Variants in ITGA8 observed in about 807,000 individuals in gnomAD.
ITGA8 encodes integrin subunit alpha 8, also known as integrin alpha-8.
Under a neutral mutation model 142.3 loss-of-function variants are expected in ITGA8, and 91 were observed. The observed-to-expected ratio is 0.64, with a 90% CI of 0.54 to 0.76. ITGA8 has a LOEUF of 0.76. Ranked by LOEUF, ITGA8 falls within the 30% of genes least tolerant of loss-of-function variation. The pLI, the probability that ITGA8 is intolerant of heterozygous loss-of-function variation, is 0.00. For synonymous variants in ITGA8, 505 were observed against 485.2 expected, an observed-to-expected ratio of 1.04 and a Z score of -0.54; for missense variants, 1,406 against 1,327.7, an observed-to-expected ratio of 1.06 and a Z score of -0.92.
intron 8 of ITGA8, among the ~76,000 whole-genome samples, chr10:15,670,442 C>A (rs80088655): frequency 0.013 from 1,948 of 152,266 alleles, 30 homozygotes; most frequent in African/African-American, 0.044. Context: ...AGAACTTGAA[C>A]CTACGTGGAT....
intron 2 of ITGA8, among the ~76,000 whole-genome samples, chr10:15,698,744 C>G (rs1426185492): frequency 6.6e-6 from 1 of 152,120 alleles, no homozygotes; most frequent in Non-Finnish European, 1.5e-5. Context: ...CCTTAGCCCA[C>G]TTTTTGATGG....
chr10:15,619,967 C>A (rs182952440), intron 13 of ITGA8, among the ~76,000 whole-genome samples: 46 of 152,216 alleles, frequency 3.0e-4, no homozygotes, highest in African/African-American at 1.1e-3. Flanking sequence ...AAATAACAGG[C>A]GAATTTTAAG....
chr10:15,674,525 AAT>A (rs1834590037), intron 6 of ITGA8, among the ~76,000 whole-genome samples: 2 of 152,226 alleles, frequency 1.3e-5, no homozygotes, highest in African/African-American at 4.8e-5. Flanking sequence ...TGTTGTGCAA[AAT>A]ATATAGTTTT....
At chr10:15,538,513 A>G (rs1416141736) in intron 27 of ITGA8, among the ~76,000 whole-genome samples, 4 of 19,460 alleles carry the variant, frequency 2.1e-4, no homozygotes, top group Non-Finnish European at 1.6e-3. Context: ...CTCCGTCTCG[A>G]AAAAAAAAAA....
intron 15 of ITGA8, among the ~76,000 whole-genome samples, chr10:15,609,997 A>G (rs1833263559): frequency 6.6e-6 from 1 of 152,154 alleles, no homozygotes; most frequent in South Asian, 2.1e-4. Flanking sequence ...GTTACTATTT[A>G]TTTATGAATT....
Position 15,683,597 on chromosome 10 carries a change from G to A in ITGA8, c.568+407C>T, listed in dbSNP as rs535656203. Among the ~76,000 whole-genome samples the A allele has an allele frequency of 2.4e-3, 365 of 152,320 alleles. 3 individuals are homozygous for A. Among genetic ancestry groups the A allele is most frequent in the African/African-American group, 8.5e-3 (354 of 41,568 alleles). On this transcript the variant is annotated intron_variant, in intron 4 of 29. Coordinates refer to ENST00000378076, the MANE Select transcript of ITGA8 (RefSeq NM_003638.3). ...GAAGAAACAGCCATTGAGAACACAA[G>A]CCAGACAGAAATCTCAAGTTGAACA...
At chr10:15,623,114 T>C (rs933135992) in intron 13 of ITGA8, among the ~76,000 whole-genome samples, 5 of 150,570 alleles carry the variant, frequency 3.3e-5, no homozygotes, top group African/African-American at 1.2e-4. Flanking sequence ...TGTTGGACAG[T>C]TGTGTAAAGA....
At chr10:15,548,424 G>C in intron 27 of ITGA8, 31 bp downstream of exon 27, 1 of 1,434,556 alleles carries the variant, frequency 7.0e-7, no homozygotes. Context: ...CCAGTGAGCA[G>C]TGTGTATGTG....
At chr10:15,566,362 TC>T (rs1439796010) in intron 25 of ITGA8, among the ~76,000 whole-genome samples, 1 of 152,220 alleles carries the variant, frequency 6.6e-6, no homozygotes, top group African/African-American at 2.4e-5. Flanking sequence ...AGGATTATTT[TC>T]CTGAACTTGG....
At chr10:15,663,041 C>T (rs1467990324) in intron 8 of ITGA8, among the ~76,000 whole-genome samples, 2 of 152,140 alleles carry the variant, frequency 1.3e-5, no homozygotes, top group Admixed American at 1.3e-4. Context: ...TTTAGGGGTT[C>T]CGATCCAGTG....
intron 22 of ITGA8, among the ~76,000 whole-genome samples, chr10:15,590,435 A>G (rs1022720300): frequency 7.9e-5 from 12 of 152,224 alleles, no homozygotes; most frequent in African/African-American, 2.9e-4. Flanking sequence ...CGAGGAGGAA[A>G]TATCAATGAA....
At chr10:15,693,781 G>A (rs113993727) in intron 2 of ITGA8, among the ~76,000 whole-genome samples, 1 of 152,142 alleles carries the variant, frequency 6.6e-6, no homozygotes, top group African/African-American at 2.4e-5. Context: ...AGTCACGAAG[G>A]TTCCATGAGA....
chr10:15,655,916 T>A (rs1834175662), intron 10 of ITGA8, among the ~76,000 whole-genome samples: 1 of 152,062 alleles, frequency 6.6e-6, no homozygotes. Context: ...TGAGACCTCA[T>A]CCCTACAAAA....
intron 27 of ITGA8, among the ~76,000 whole-genome samples, chr10:15,532,614 A>T (rs1476459745): frequency 6.6e-6 from 1 of 151,806 alleles, no homozygotes; most frequent in Non-Finnish European, 1.5e-5. Context: ...AATATTTAAG[A>T]GTGACTCAGG....
intron 11 of ITGA8, among the ~76,000 whole-genome samples, chr10:15,649,615 CAA>C (rs199606150): frequency 9.1e-5 from 8 of 87,972 alleles, no homozygotes; most frequent in Admixed American, 1.2e-4. Flanking sequence ...GACTCCGTCT[CAA>C]AAAAAAAAAA....
chr10:15,705,142 A>G (rs531971175), intron 2 of ITGA8, among the ~76,000 whole-genome samples: 1 of 152,274 alleles, frequency 6.6e-6, no homozygotes, highest in South Asian at 2.1e-4. Flanking sequence ...GATCTTCTTA[A>G]ATCCTACCTA....
At chr10:15,530,541 C>CAAAAAA (rs57521125) in intron 28 of ITGA8, among the ~76,000 whole-genome samples, 13 of 75,136 alleles carry the variant, frequency 1.7e-4, no homozygotes, top group East Asian at 4.3e-4. Context: ...GCGAGACTCT[C>CAAAAAA]AAAAAAAAAA....
At position 15,514,136 on chromosome 10, in the gene ITGA8, G is replaced by C. The variant is rs1287697864; in HGVS notation, c.*3022C>G. On this transcript the variant is annotated 3_prime_UTR_variant, in exon 30 of 30. Coordinates refer to ENST00000378076, the MANE Select transcript of ITGA8 (RefSeq NM_003638.3). Reference sequence around the variant, plus strand: ...TCTCCAAGTTTATAAAACTTAATTTGCCCCATTATTGTGTCTTAAAACCCA... The same window carrying C: ...TCTCCAAGTTTATAAAACTTAATTTCCCCCATTATTGTGTCTTAAAACCCA... The C allele has an allele frequency of 6.6e-6, 1 of 151,978 alleles. No individual in the cohort carries two copies. Among genetic ancestry groups the C allele is most frequent in the African/African-American group, 2.4e-5 (1 of 41,360 alleles). 9.4% of individuals were successfully genotyped at this position (151,978 alleles called of 1,614,324 possible).
intron 15 of ITGA8, among the ~76,000 whole-genome samples, chr10:15,610,872 T>A (rs1833281437): frequency 6.6e-6 from 1 of 152,228 alleles, no homozygotes; most frequent in South Asian, 2.1e-4. Flanking sequence ...ACTTTTACAT[T>A]TCTAAAATGA....
Sources: gnomAD v4.1 joint callset for allele counts (sites outside exome capture counted in the v4.1 genomes callset) on GRCh38, gnomAD v4.1.1 for gene constraint, MANE v1.5 for transcripts, NCBI Gene and HGNC (gene_info 2026-07-23, HGNC 2026-07-21) for gene names.